ATP2B4: variants seen among roughly 807,000 people sequenced by gnomAD.
ATP2B4 encodes plasma membrane calcium-transporting ATPase 4.
A neutral mutation model predicts 110.3 loss-of-function variants in ATP2B4; 39 were observed. That is an observed-to-expected ratio of 0.35 (90% CI 0.27 to 0.46). ATP2B4 has a LOEUF of 0.46. Among genes scored for constraint, ATP2B4 ranks in the 20% least tolerant of loss-of-function variants. The probability of loss-of-function intolerance (pLI) is 1.00; values close to 1 mark genes in which losing one functional copy is unlikely to be tolerated. For synonymous variants in ATP2B4, 538 were observed against 571.7 expected (o/e 0.94, Z 0.84); for missense variants, 1,135 against 1,530.9 (o/e 0.74, Z 4.32).
intron 1 of ATP2B4, among the ~76,000 whole-genome samples, chr1:203,666,767 C>T (rs1227588944): frequency 6.6e-6 from 1 of 152,172 alleles, no homozygotes; most frequent in African/African-American, 2.4e-5. Context: ...CTTATCTTGG[C>T]TCTTGAAACT....
In ATP2B4 at chr1:203,666,601, T is replaced by C. The variant is rs114768885; in HGVS notation, c.-464-16141T>C. Among the ~76,000 whole-genome samples, 512 of 152,276 alleles carry C rather than the reference T, an allele frequency of 3.4e-3. 3 individuals are homozygous for C. The highest frequency in any genetic ancestry group is 0.012 in the African/African-American group (483 of 41,560). The stretch of plus-strand genomic sequence containing the variant: ...GTAGAAAGCTGACTCCTCTTCCTAT[T>C]AACCTCCTAGGTTTATCTCACCATC... On this transcript the variant is annotated intron_variant, in intron 1 of 20. Transcript: ENST00000357681.
In ATP2B4 at chr1:203,629,573, C is replaced by A. The variant is rs1663198539; in HGVS notation, c.-465+2354C>A. On this transcript the variant is annotated intron_variant, in intron 1 of 20. Transcript: ENST00000357681. This position sits in a 1 kb window ranked among gnomAD's most constrained non-coding sequence, Gnocchi z 4.6. The stretch of plus-strand genomic sequence containing the variant: ...CAGTCTCAGCCCTTCCCCCGGGGCT[C>A]GGGGCAGGATTGACTGCGCAACCCT... 6.6e-6 allele frequency among the ~76,000 whole-genome samples: 1 copy of A among 152,110 alleles called. No individual in the cohort carries two copies. Among genetic ancestry groups the A allele is most frequent in the Admixed American group, 6.5e-5 (1 of 15,282 alleles).
intron 1 of ATP2B4, among the ~76,000 whole-genome samples, chr1:203,660,097 A>AGAAAG (rs764669362): frequency 3.5e-4 from 42 of 120,654 alleles, no homozygotes; most frequent in African/African-American, 8.6e-4. Context: ...AAAAAAAAAA[A>AGAAAG]AAAGAAAGAA....
chr1:203,666,674 C>T (rs528895784), intron 1 of ATP2B4, among the ~76,000 whole-genome samples: 317 of 152,184 alleles, frequency 2.1e-3, no homozygotes, highest in Non-Finnish European at 3.9e-3. Flanking sequence ...TCCCTATGCT[C>T]ACCAGGAAAA....
chr1:203,702,579 C>T (rs1665727469), intron 7 of ATP2B4, among the ~76,000 whole-genome samples: 1 of 152,206 alleles, frequency 6.6e-6, no homozygotes, highest in Admixed American at 6.5e-5. Context: ...CTCTGTATCT[C>T]TCTCCCCACC....
intron 19 of ATP2B4, 34 bp downstream of exon 19, chr1:203,724,022 A>C: frequency 6.9e-4 from 1,073 of 1,555,372 alleles, no homozygotes; most frequent in Non-Finnish European, 8.7e-4. Context: ...GTGCATTCTC[A>C]CAGCCTGCAG....
In ATP2B4 at chr1:203,714,281, A is replaced by G. The variant is rs1438232210; in HGVS notation, c.2406+4A>G. 3.7e-6 allele frequency: 6 copies of G among 1,614,032 alleles called. No homozygotes were observed. The highest frequency in any genetic ancestry group is 5.1e-6 in the Non-Finnish European group (6 of 1,179,968). On this transcript the variant is annotated splice_donor_region_variant and intron_variant, in intron 15 of 20. Transcript: ENST00000357681. ...AGCGGATGTTGGTTTTGCCATGGTA[A>G]GCTCAGCACAGTGTCTCTCTGATTG...
chr1:203,739,034 T>G (rs992548892), intron 20 of ATP2B4, among the ~76,000 whole-genome samples: 2 of 152,232 alleles, frequency 1.3e-5, no homozygotes, highest in African/African-American at 4.8e-5. Context: ...ATGTGCAGAT[T>G]GGTGTATGCT....
At chr1:203,689,207 T>C (rs954155217) in intron 2 of ATP2B4, among the ~76,000 whole-genome samples, 1 of 152,208 alleles carries the variant, frequency 6.6e-6, no homozygotes, top group South Asian at 2.1e-4. Flanking sequence ...GGATGAAAAT[T>C]ACCTGTGGCT....
intron 10 of ATP2B4, 122 bp downstream of exon 10, chr1:203,708,226 A>C: frequency 2.3e-5 from 32 of 1,388,882 alleles, no homozygotes; most frequent in Non-Finnish European, 3.0e-5. Flanking sequence ...CCCATTTCTC[A>C]CGCTGGAGTG....
intron 1 of ATP2B4, among the ~76,000 whole-genome samples, chr1:203,651,633 G>A (rs998746101): frequency 4.6e-5 from 7 of 152,176 alleles, no homozygotes; most frequent in Non-Finnish European, 7.3e-5. Context: ...ACAGTAGTAC[G>A]CACCTGCAGT....
intron 1 of ATP2B4, among the ~76,000 whole-genome samples, chr1:203,673,105 A>AG (rs1287462388): frequency 6.6e-6 from 1 of 152,202 alleles, no homozygotes; most frequent in East Asian, 1.9e-4. Flanking sequence ...CTGGAGCTGA[A>AG]GGGGTTCATG....
chr1:203,682,939 A>G lies in ATP2B4; in HGVS notation c.-267A>G, dbSNP rs1665058156. 2.6e-6 allele frequency: 1 copy of G among 380,026 alleles called. No individual in the cohort carries two copies. The allele number at this position is 380,026 out of a possible 1,614,324, so 23.5% of individuals were successfully genotyped here. A position where few individuals can be genotyped will look rare whatever the true frequency, so the allele number is the denominator to read the frequency against. ...CTATCATCACCACCTGGGGACACCA[A>G]TCATCGTGACACGGAGTCCACCTTC... On this transcript the variant is annotated 5_prime_UTR_variant, in exon 2 of 21. Transcript: ENST00000357681.
At chr1:203,729,285 G>T (rs151186239) in intron 20 of ATP2B4, among the ~76,000 whole-genome samples, 2 of 151,544 alleles carry the variant, frequency 1.3e-5, no homozygotes, top group African/African-American at 2.4e-5. Flanking sequence ...GGTGGCTCAC[G>T]CCTGTAATCC....
intron 20 of ATP2B4, among the ~76,000 whole-genome samples, chr1:203,737,849 G>A (rs1259383286): frequency 1.3e-5 from 2 of 152,194 alleles, no homozygotes; most frequent in African/African-American, 2.4e-5. Flanking sequence ...AGAGTGGGAC[G>A]AGATAAAGAA....
In ATP2B4 at chr1:203,739,994, A is replaced by G. The variant is rs1472940160; in HGVS notation, c.*140A>G. ...TGTGTGTGAAGTGAACCTCTACCTG[A>G]CCATGAAGAGGCAAGAGCACAGACT... On this transcript the variant is annotated 3_prime_UTR_variant, in exon 21 of 21. Coordinates refer to ENST00000357681, the MANE Select transcript of ATP2B4 (RefSeq NM_001684.5). 4.3e-6 allele frequency: 4 copies of G among 938,434 alleles called. No homozygotes were observed. Among genetic ancestry groups the G allele is most frequent in the Admixed American group, 5.9e-5 (2 of 34,084 alleles). 58.1% of individuals were successfully genotyped at this position (938,434 alleles called of 1,614,324 possible). A position where few individuals can be genotyped will look rare whatever the true frequency, so the allele number is the denominator to read the frequency against.
At chr1:203,648,317 C>T (rs1455419833) in intron 1 of ATP2B4, among the ~76,000 whole-genome samples, 1 of 151,786 alleles carries the variant, frequency 6.6e-6, no homozygotes, top group Non-Finnish European at 1.5e-5. Flanking sequence ...AAGAATAGCA[C>T]AAGAAGGGGC....
intron 1 of ATP2B4, among the ~76,000 whole-genome samples, chr1:203,634,063 T>G (rs1663362502): frequency 6.6e-6 from 1 of 152,080 alleles, no homozygotes; most frequent in African/African-American, 2.4e-5. Flanking sequence ...AAAAAATTTT[T>G]TTAAATTTAA....
At chr1:203,704,410 G>A (rs140480322) in intron 8 of ATP2B4, among the ~76,000 whole-genome samples, 18 of 151,066 alleles carry the variant, frequency 1.2e-4, no homozygotes, top group Admixed American at 1.1e-3. Flanking sequence ...AGAAAGGGGA[G>A]TGGGAAGAAG....
Sources: allele counts gnomAD v4.1 joint callset (sites outside exome capture counted in the v4.1 genomes callset), GRCh38; gene constraint gnomAD v4.1.1; non-coding constraint Gnocchi (gnomAD v3.1); transcripts MANE v1.5; gene names NCBI Gene and HGNC (gene_info 2026-07-23, HGNC 2026-07-21).